The following CHD9 variants were observed in gnomAD, a reference collection of about 807,000 sequenced individuals.
The protein encoded by CHD9 is ATP-dependent chromatin remodeler CHD9.
CHD9 carries 77 observed loss-of-function variants against 316.1 expected under a neutral mutation model. The ratio of observed to expected loss-of-function variants is 0.24; its 90% CI spans 0.20 to 0.29. The LOEUF is 0.29. Ranked by LOEUF, CHD9 falls within the 10% of genes least tolerant of loss-of-function variation. The pLI is 1.00. For synonymous variants in CHD9, 1,129 were observed against 1,158.3 expected (o/e 0.97, Z 0.51); for missense variants, 2,763 against 3,438.1 (o/e 0.80, Z 4.91).
Position 53,247,463 on chromosome 16 carries a change from C to T in CHD9, c.3625C>T (p.Arg1209Cys), listed in dbSNP as rs373076192. ...AGTGCTCATCTTCTCTCAAATGGTT[C>T]GTTGCCTTGACATTCTGGAGGACTA... ...HKVLIFSQMV[R>C]CLDILEDYLI... Residue 1209 changes from arginine (R) to cysteine (C), a missense_variant, in exon 16 of 39, where the codon CGT becomes TGT. By Grantham distance (180) the Arg-to-Cys change is radical. This residue lies in a region of CHD9 where 155 missense variants were observed against 291.8 expected (regional missense o/e 0.53). Transcript: ENST00000447540. 97 of 1,606,346 alleles carry T rather than the reference C, an allele frequency of 6.0e-5. No individual in the cohort carries two copies. Among genetic ancestry groups the T allele is most frequent in the Non-Finnish European group, 8.0e-5 (94 of 1,175,990 alleles).
intron 2 of CHD9, among the ~76,000 whole-genome samples, chr16:53,177,773 C>T (rs2043186032): frequency 6.6e-6 from 1 of 152,150 alleles, no homozygotes; most frequent in Non-Finnish European, 1.5e-5. Flanking sequence ...TATGTTCTTT[C>T]CTTCATCCTT....
At chr16:53,190,661 A>G (rs1377255582) in intron 2 of CHD9, among the ~76,000 whole-genome samples, 1 of 151,978 alleles carries the variant, frequency 6.6e-6, no homozygotes, top group Non-Finnish European at 1.5e-5. Context: ...CCTCTAGTTT[A>G]TATTGATTTA....
intron 30 of CHD9, among the ~76,000 whole-genome samples, chr16:53,303,370 T>C (rs2055635507): frequency 6.6e-6 from 1 of 152,132 alleles, no homozygotes; most frequent in African/African-American, 2.4e-5. Flanking sequence ...ACAAATGTTA[T>C]TAAATGCATC....
At chr16:53,108,557 T>C (rs897510194) in intron 1 of CHD9, among the ~76,000 whole-genome samples, 2 of 148,898 alleles carry the variant, frequency 1.3e-5, no homozygotes, top group African/African-American at 2.5e-5. Context: ...GATAGATAGA[T>C]AGATGCAGAT....
In CHD9 at chr16:53,156,893, G is replaced by T. The variant is rs930341238; in HGVS notation, c.804G>T (p.Gln268His). The T allele has an allele frequency of 1.9e-6, 3 of 1,613,526 alleles. No individual in the cohort carries two copies. In the African/African-American group the frequency reaches 4.0e-5, roughly 22 times the overall value. The change falls in exon 2 of 39, where the codon CAG becomes CAT. Residue 268 changes from glutamine (Q) to histidine (H), a missense_variant. Gln to His is a conservative substitution (Grantham distance 24). Around this residue, in one of 15 missense-constraint regions of CHD9, gnomAD observed 859 missense variants for 890.4 expected, o/e 0.96. Coordinates refer to ENST00000447540, the MANE Select transcript of CHD9 (RefSeq NM_001308319.2). The stretch of plus-strand genomic sequence containing the variant: ...CTTCTTGTTCTGTCAGTAATTCACA[G>T]CAATTTTCTTCACATTATTCCTTTT... ...NMTSCSVSNS[Q>H]QFSSHYSFSS...
intron 1 of CHD9, among the ~76,000 whole-genome samples, chr16:53,094,270 G>C (rs2036198673): frequency 6.6e-6 from 1 of 152,208 alleles, no homozygotes; most frequent in African/African-American, 2.4e-5. Context: ...CCTAGTCTGG[G>C]CTGGGCGGGG....
chr16:53,244,405 G>A (rs932763651), intron 13 of CHD9, among the ~76,000 whole-genome samples: 1 of 151,938 alleles, frequency 6.6e-6, no homozygotes, highest in South Asian at 2.1e-4. Context: ...TGTTACCCAG[G>A]ATGGTCTTGA....
intron 36 of CHD9, among the ~76,000 whole-genome samples, chr16:53,315,880 T>C (rs1480002276): frequency 6.6e-6 from 1 of 152,198 alleles, no homozygotes; most frequent in Non-Finnish European, 1.5e-5. Flanking sequence ...AAACTGCTCC[T>C]CTTAAGCTCT....
rs542180624 is a variant in CHD9 at position 53,098,153 on chromosome 16, G to A, written c.-165+43076G>A. On this transcript the variant is annotated intron_variant, in intron 1 of 38. Transcript: ENST00000447540. Reference sequence around the variant, plus strand: ...AAATTGGAACCAACTGTTTTTTCAGGTTTCAGACATTTCTGTAAACCAGTA... The same window carrying A: ...AAATTGGAACCAACTGTTTTTTCAGATTTCAGACATTTCTGTAAACCAGTA... Among the ~76,000 whole-genome samples, 6 of 152,026 alleles carry A rather than the reference G, an allele frequency of 3.9e-5. No individual in the cohort carries two copies. The South Asian group carries it at 1.0e-3, about 26-fold the overall frequency.
chr16:53,102,773 C>G (rs2036996027), intron 1 of CHD9, among the ~76,000 whole-genome samples: 1 of 152,118 alleles, frequency 6.6e-6, no homozygotes, highest in African/African-American at 2.4e-5. Context: ...TTGCTTGAGC[C>G]CAGGAGTTCA....
At chr16:53,074,804 G>C (rs1187156300) in intron 1 of CHD9, among the ~76,000 whole-genome samples, 1 of 152,246 alleles carries the variant, frequency 6.6e-6, no homozygotes, top group Non-Finnish European at 1.5e-5. Flanking sequence ...GCAGGGTGGG[G>C]CTCTCATGGG....
rs745854215 is a variant in CHD9 at position 53,304,029 on chromosome 16, A to G, written c.6023A>G (p.His2008Arg). The G allele has an allele frequency of 2.5e-6, 4 of 1,613,302 alleles. No individual in the cohort carries two copies. Among genetic ancestry groups the G allele is most frequent in the Non-Finnish European group, 3.4e-6 (4 of 1,179,194 alleles). ...AACTACAGTCAAAGTAAGATGGCTC[A>G]TTCAAGGACTTCTACCCCACTTCTA... Reference protein sequence around the residue: ...QRNYSQSKMAHSRTSTPLLQQ... With the variant: ...QRNYSQSKMARSRTSTPLLQQ... The change falls in exon 31 of 39, where the codon CAT becomes CGT. Residue 2008 changes from histidine to arginine, a missense_variant. Coordinates refer to ENST00000447540, the MANE Select transcript of CHD9 (RefSeq NM_001308319.2).
At chr16:53,253,198 T>C (rs983935638) in intron 17 of CHD9, among the ~76,000 whole-genome samples, 9 of 150,032 alleles carry the variant, frequency 6.0e-5, no homozygotes, top group African/African-American at 2.2e-4. Context: ...TGGGTATATG[T>C]GCGTGTGTGG....
intron 19 of CHD9, among the ~76,000 whole-genome samples, chr16:53,260,571 T>C (rs776114416): frequency 9.8e-5 from 15 of 152,306 alleles, no homozygotes; most frequent in Middle Eastern, 3.4e-3. Context: ...AACAAATTAT[T>C]ACAAAGCCCA....
At chr16:53,290,489 A>G (rs1004120098) in intron 27 of CHD9, among the ~76,000 whole-genome samples, 8 of 152,122 alleles carry the variant, frequency 5.3e-5, no homozygotes, top group African/African-American at 1.9e-4. Context: ...AGCAGGCAAA[A>G]AAAAAAAAGT....
At position 53,324,970 on chromosome 16, in the gene CHD9, GT is replaced by G. The variant is rs1028428690; in HGVS notation, c.*77del. The stretch of plus-strand genomic sequence containing the variant: ...AATAATTAATTGTAAATACCCCAGT[GT>G]TGAGTGCATCAATAACTTACTGACC... On this transcript the variant is annotated 3_prime_UTR_variant, in exon 39 of 39. Coordinates refer to ENST00000447540, the MANE Select transcript of CHD9 (RefSeq NM_001308319.2). 4.7e-5 allele frequency: 58 copies of G among 1,236,636 alleles called. No homozygotes were observed. The African/African-American group carries it at 7.8e-4, about 17-fold the overall frequency. The allele number at this position is 1,236,636 out of a possible 1,614,324, so 76.6% of individuals were successfully genotyped here.
intron 27 of CHD9, 61 bp downstream of exon 27, chr16:53,288,075 T>A: frequency 7.9e-7 from 1 of 1,261,220 alleles, no homozygotes; most frequent in South Asian, 1.2e-5. Flanking sequence ...TTCTTGTGTT[T>A]GCTTTTTCTT....
chr16:53,245,343 A>G lies in CHD9; in HGVS notation c.3062A>G (p.Lys1021Arg), dbSNP rs2049494801. ...TGTTCTCACTTTTTGTAGGAACACA[A>G]GGTGCTTTTGACTGGCACCCCTCTC... ...EGLKLMNLEH[K>R]VLLTGTPLQN... Residue 1021 changes from lysine to arginine, a missense_variant, in exon 14 of 39, where the codon AAG (lysine) becomes AGG (arginine). Lys to Arg is a conservative substitution (Grantham distance 26, BLOSUM62 2). Coordinates refer to ENST00000447540, the MANE Select transcript of CHD9 (RefSeq NM_001308319.2). The surrounding 1 kb of genome is among the most constrained non-coding windows in gnomAD (Gnocchi z 4.1). 1.3e-6 allele frequency: 2 copies of G among 1,533,014 alleles called. No homozygotes were observed. Among genetic ancestry groups the G allele is most frequent in the East Asian group, 2.4e-5 (1 of 42,500 alleles). The allele number at this position is 1,533,014 out of a possible 1,614,324, so 95.0% of individuals were successfully genotyped here. A position where few individuals can be genotyped will look rare whatever the true frequency, so the allele number is the denominator to read the frequency against.
intron 22 of CHD9, among the ~76,000 whole-genome samples, chr16:53,270,731 C>T (rs539469530): frequency 6.6e-6 from 1 of 152,224 alleles, no homozygotes; most frequent in African/African-American, 2.4e-5. Flanking sequence ...TTAGTGGTAA[C>T]TGATTTAACC....
Sources: gnomAD v4.1 joint callset for allele counts (sites outside exome capture counted in the v4.1 genomes callset) on GRCh38, gnomAD v4.1.1 for gene constraint, gnomAD v4.1.1 regional missense constraint, Gnocchi (gnomAD v3.1) non-coding constraint, MANE v1.5 for transcripts, NCBI Gene and HGNC (gene_info 2026-07-23, HGNC 2026-07-21) for gene names.